Variants in TAS2R1 observed in about 807,000 individuals in gnomAD.
TAS2R1 encodes taste 2 receptor member 1.
For synonymous variants in TAS2R1, 141 were observed against 134.2 expected (o/e 1.05, Z -0.35); for missense variants, 370 against 353.4 (o/e 1.05, Z -0.38).
At chr5:9,829,718 C>G in the TAS2R1 span, among the ~76,000 whole-genome samples, 1 of 152,132 alleles carries the variant, frequency 6.6e-6, no homozygotes, top group Admixed American at 6.6e-5. Flanking sequence ...GGAACTGTCC[C>G]TTCAGCTCCA....
rs530068933 is a variant in TAS2R1, at chr5:9,677,959, T to C, written c.-241-18378A>G. On this transcript the variant is annotated intron_variant, in intron 1 of 2. Transcript: ENST00000506620. ...GCTCATGCCTATAATCCCAACTAAATGGGCAGCTGAGGTGGGAAGATTGCT... is the reference window on the plus strand; with the variant it reads ...GCTCATGCCTATAATCCCAACTAAACGGGCAGCTGAGGTGGGAAGATTGCT... Among the ~76,000 whole-genome samples, 4 of 152,246 alleles carry C rather than the reference T, an allele frequency of 2.6e-5. No homozygotes were observed. The South Asian group carries it at 8.3e-4, about 32-fold the overall frequency.
the TAS2R1 span, among the ~76,000 whole-genome samples, chr5:9,898,629 G>A: frequency 6.6e-6 from 1 of 152,272 alleles, no homozygotes; most frequent in South Asian, 2.1e-4. Context: ...ACTCTGCAAG[G>A]TCCCAGGTCT....
At chr5:9,822,808 C>A in the TAS2R1 span, among the ~76,000 whole-genome samples, 1 of 151,798 alleles carries the variant, frequency 6.6e-6, no homozygotes, top group South Asian at 2.1e-4. Flanking sequence ...TTTAATCAGT[C>A]CCCTATTGAT....
chr5:9,725,659 C>T, the TAS2R1 span, among the ~76,000 whole-genome samples: 1 of 151,426 alleles, frequency 6.6e-6, no homozygotes, highest in African/African-American at 2.5e-5. Context: ...ACGAGCACCG[C>T]CCCCTGCTCC....
chr5:9,903,423 T>C, the TAS2R1 span: 1 of 152,072 alleles, frequency 6.6e-6, no homozygotes. Flanking sequence ...GGTGCAGCCA[T>C]CACCTAAGCA....
chr5:9,677,531 AAAG>A (rs1232963852), intron 1 of TAS2R1, among the ~76,000 whole-genome samples: 2 of 152,200 alleles, frequency 1.3e-5, no homozygotes, highest in East Asian at 1.9e-4. Flanking sequence ...ATACCTCACC[AAAG>A]AAGATTAGAC....
At chr5:9,734,507 G>GT in the TAS2R1 span, among the ~76,000 whole-genome samples, 72 of 151,920 alleles carry the variant, frequency 4.7e-4, 1 homozygote, top group South Asian at 9.6e-3. Context: ...TGTACAAGAG[G>GT]TTTTTTTGCC....
At chr5:9,650,698 C>T (rs961474339) in intron 2 of TAS2R1, among the ~76,000 whole-genome samples, 1 of 152,090 alleles carries the variant, frequency 6.6e-6, no homozygotes, top group Non-Finnish European at 1.5e-5. Flanking sequence ...AGACTTGGTC[C>T]GATTATCACA....
At chr5:9,655,300 A>G (rs748008305) in intron 2 of TAS2R1, among the ~76,000 whole-genome samples, 5 of 152,212 alleles carry the variant, frequency 3.3e-5, no homozygotes, top group Non-Finnish European at 5.9e-5. Context: ...ATGTATCTCA[A>G]TAAAAATTAA....
At chr5:9,813,714 T>C in the TAS2R1 span, among the ~76,000 whole-genome samples, 1 of 152,218 alleles carries the variant, frequency 6.6e-6, no homozygotes, top group Non-Finnish European at 1.5e-5. Flanking sequence ...TAAAGTCATA[T>C]ATGACTTCCA....
At position 9,629,935 on chromosome 5, in the gene TAS2R1, A is replaced by G. The variant is rs1561363993; in HGVS notation, c.98T>C (p.Ile33Thr). Reference sequence around the variant, plus strand: ...CATTTTTCTGTGCTTGATCAAGTCAATGCCATTCACCACCACAATGATGCC... The same window carrying G: ...CATTTTTCTGTGCTTGATCAAGTCAGTGCCATTCACCACCACAATGATGCC... ...TNGIIVVVNG[I>T]DLIKHRKMAP... Residue 33 changes from isoleucine (I) to threonine (T), a missense_variant, in exon 1 of 1, where the codon ATT (isoleucine) becomes ACT (threonine). Transcript: ENST00000382492. 1 of 1,613,872 alleles carries G rather than the reference A, an allele frequency of 6.2e-7. No individual in the cohort carries two copies. The highest frequency in any genetic ancestry group is 8.5e-7 in the Non-Finnish European group (1 of 1,179,962).
chr5:9,668,888 A>C (rs1740695607), intron 1 of TAS2R1, among the ~76,000 whole-genome samples: 1 of 152,144 alleles, frequency 6.6e-6, no homozygotes, highest in South Asian at 2.1e-4. Context: ...TAACAACATG[A>C]TGACAGGATC....
intron 1 of TAS2R1, among the ~76,000 whole-genome samples, chr5:9,683,021 G>T (rs1188704908): frequency 6.6e-6 from 1 of 152,102 alleles, no homozygotes; most frequent in African/African-American, 2.4e-5. Context: ...GACGTAAAAA[G>T]ATCCTTTAAT....
the TAS2R1 span, among the ~76,000 whole-genome samples, chr5:9,757,563 T>C: frequency 9.2e-5 from 14 of 152,190 alleles, no homozygotes; most frequent in African/African-American, 3.1e-4. Flanking sequence ...TTTATTAACA[T>C]GATATAGACT....
the TAS2R1 span, among the ~76,000 whole-genome samples, chr5:9,876,814 G>A: frequency 6.6e-6 from 1 of 152,214 alleles, no homozygotes; most frequent in Non-Finnish European, 1.5e-5. Context: ...GGAGGGGACT[G>A]CAAGGCCAAA....
the TAS2R1 span, chr5:9,765,811 T>A: frequency 6.6e-6 from 1 of 152,236 alleles, no homozygotes; most frequent in African/African-American, 2.4e-5. Context: ...GCCCCTGGAA[T>A]AACTTTAGAG....
chr5:9,690,864 T>G (rs1741235732), intron 1 of TAS2R1, among the ~76,000 whole-genome samples: 1 of 151,968 alleles, frequency 6.6e-6, no homozygotes, highest in African/African-American at 2.4e-5. Flanking sequence ...GAGAGGTCAT[T>G]AAAAACAAAA....
the TAS2R1 span, chr5:9,889,814 G>C: frequency 1.3e-5 from 2 of 152,188 alleles, no homozygotes; most frequent in African/African-American, 2.4e-5. Context: ...CGAAGCAAGA[G>C]AGCCAACAAG....
chr5:9,747,735 G>C, the TAS2R1 span, among the ~76,000 whole-genome samples: 7 of 150,916 alleles, frequency 4.6e-5, no homozygotes, highest in African/African-American at 1.7e-4. Flanking sequence ...GAGAAAGTAG[G>C]AAAAACAAGT....
Sources: allele counts gnomAD v4.1 joint callset (sites outside exome capture counted in the v4.1 genomes callset), GRCh38; gene constraint gnomAD v4.1.1; transcripts MANE v1.5; gene names NCBI Gene and HGNC (gene_info 2026-07-23, HGNC 2026-07-21).